Variants in TMEM163 observed in about 807,000 individuals in gnomAD.
The protein encoded by TMEM163 is transmembrane protein 163.
In TMEM163, 17 loss-of-function variants were observed where a neutral mutation model predicts 29.3. That is an observed-to-expected ratio of 0.58 (90% CI 0.40 to 0.87). TMEM163 has a LOEUF of 0.87. Ranked by LOEUF, TMEM163 falls within the 40% of genes least tolerant of loss-of-function variation. The pLI is 0.00. For missense variants in TMEM163, 303 were observed against 381.5 expected (o/e 0.79, Z 1.71); for synonymous variants, 157 against 160.6 (o/e 0.98, Z 0.17).
chr2:134,465,786 T>C (rs893328671), intron 6 of TMEM163, among the ~76,000 whole-genome samples: 7 of 152,190 alleles, frequency 4.6e-5, no homozygotes, highest in African/African-American at 1.7e-4. Context: ...ATTTACTTTT[T>C]ATGGGGAGCA....
intron 1 of TMEM163, among the ~76,000 whole-genome samples, chr2:134,718,112 T>A (rs1685073870): frequency 6.6e-6 from 1 of 152,234 alleles, no homozygotes; most frequent in Non-Finnish European, 1.5e-5. Flanking sequence ...GTCCCATTCC[T>A]CTGCCCCATC....
At chr2:134,600,279 ATTGT>A (rs1682197960) in intron 2 of TMEM163, among the ~76,000 whole-genome samples, 1 of 152,172 alleles carries the variant, frequency 6.6e-6, no homozygotes, top group African/African-American at 2.4e-5. Flanking sequence ...ATGTGACTTA[ATTGT>A]TTAGTAGTGC....
At chr2:134,605,016 C>T (rs991009571) in intron 2 of TMEM163, among the ~76,000 whole-genome samples, 2 of 151,924 alleles carry the variant, frequency 1.3e-5, no homozygotes, top group African/African-American at 4.8e-5. Flanking sequence ...CCTGTCTCTA[C>T]TAAATATACA....
intron 2 of TMEM163, among the ~76,000 whole-genome samples, chr2:134,680,356 A>G (rs892224734): frequency 1.4e-5 from 2 of 143,078 alleles, no homozygotes; most frequent in Admixed American, 6.9e-5. Flanking sequence ...CACAAAAATG[A>G]GACCTATAAA....
intron 2 of TMEM163, among the ~76,000 whole-genome samples, chr2:134,632,552 C>T (rs1682988932): frequency 1.3e-5 from 2 of 152,142 alleles, no homozygotes; most frequent in African/African-American, 4.8e-5. Context: ...GGGGCATCCC[C>T]GATCAAAGTA....
chr2:134,481,265 C>T (rs891885022), intron 5 of TMEM163, among the ~76,000 whole-genome samples: 2 of 152,014 alleles, frequency 1.3e-5, no homozygotes, highest in Admixed American at 6.6e-5. Flanking sequence ...TGCTTCCCAT[C>T]GACACCAGGT....
At position 134,663,499 on chromosome 2, in the gene TMEM163, G is replaced by A. The variant is rs140856973; in HGVS notation, c.322+49701C>T. 4.6e-5 allele frequency among the ~76,000 whole-genome samples: 7 copies of A among 152,346 alleles called. No individual in the cohort carries two copies. In the East Asian group the frequency reaches 1.2e-3, roughly 25 times the overall value. ...TGAGTACTGCACTTGGTTCTGGGAG[G>A]AGTCTTGATAAAGATGTCTAGGAGC... On this transcript the variant is annotated intron_variant, in intron 2 of 7. Transcript: ENST00000281924.
chr2:134,469,672 G>A (rs1350542200), intron 5 of TMEM163: 4 of 152,302 alleles, frequency 2.6e-5, no homozygotes, highest in East Asian at 3.9e-4. Flanking sequence ...GGGGAGAGAG[G>A]GGCCGCACCG....
At chr2:134,706,273 C>T (rs569748745) in intron 2 of TMEM163, among the ~76,000 whole-genome samples, 1 of 152,246 alleles carries the variant, frequency 6.6e-6, no homozygotes, top group South Asian at 2.1e-4. Context: ...GTTGAAGACG[C>T]CCTCCTTGTT....
In TMEM163 at chr2:134,657,441, G is replaced by A. The variant is rs1193239536; in HGVS notation, c.322+55759C>T. 7.2e-5 allele frequency among the ~76,000 whole-genome samples: 11 copies of A among 152,340 alleles called. No homozygotes were observed. The East Asian group carries it at 1.4e-3, about 19-fold the overall frequency. On this transcript the variant is annotated intron_variant, in intron 2 of 7. Coordinates refer to ENST00000281924, the MANE Select transcript of TMEM163 (RefSeq NM_030923.5). ...TTCTAAATAAAGTAACCCAGGAACA[G>A]AAAACCAAACACCACATGTTCTCAC...
chr2:134,690,183 G>A (rs543415877), intron 2 of TMEM163, among the ~76,000 whole-genome samples: 8 of 151,072 alleles, frequency 5.3e-5, no homozygotes, highest in East Asian at 2.0e-4. Flanking sequence ...CACCCGCCCC[G>A]GCCTCCCAAA....
chr2:134,678,446 G>A (rs1157913301), intron 2 of TMEM163, among the ~76,000 whole-genome samples: 5 of 152,208 alleles, frequency 3.3e-5, no homozygotes, highest in Non-Finnish European at 7.3e-5. Context: ...AGAAAAACAG[G>A]AAAAGGCTTT....
At chr2:134,707,418 C>T (rs997199125) in intron 2 of TMEM163, among the ~76,000 whole-genome samples, 4 of 152,154 alleles carry the variant, frequency 2.6e-5, no homozygotes, top group South Asian at 2.1e-4. Context: ...GACTTTAGGA[C>T]GGGACAGAGA....
intron 4 of TMEM163, among the ~76,000 whole-genome samples, chr2:134,541,908 A>G (rs936113115): frequency 1.3e-5 from 2 of 152,132 alleles, no homozygotes; most frequent in South Asian, 4.1e-4. Context: ...GAATTACCTC[A>G]ACTGTTTACA....
In TMEM163 at chr2:134,633,966, CATATATATATATATAT is replaced by C. The variant is rs535811215; in HGVS notation, c.322+79218_322+79233del. The stretch of plus-strand genomic sequence containing the variant: ...GTGAAACTGTCTCAAAAAAAAAATA[CATATATATATATATAT>C]ATATATATATATATATATATATATA... On this transcript the variant is annotated intron_variant, in intron 2 of 7. Coordinates refer to ENST00000281924, the MANE Select transcript of TMEM163 (RefSeq NM_030923.5). 5.6e-3 allele frequency among the ~76,000 whole-genome samples: 212 copies of C among 37,878 alleles called. 3 individuals are homozygous for C. The highest frequency in any genetic ancestry group is 0.03 in the East Asian group (19 of 632). The allele number at this position is 37,878 out of a possible 152,430, so 24.8% of individuals were successfully genotyped here.
chr2:134,709,307 T>C (rs79366036), intron 2 of TMEM163, among the ~76,000 whole-genome samples: 4,057 of 152,334 alleles, frequency 0.027, 90 homozygotes, highest in Non-Finnish European at 0.041. Context: ...CATCTGGTTT[T>C]ATATCAGCAT....
intron 2 of TMEM163, among the ~76,000 whole-genome samples, chr2:134,621,883 T>G (rs1682744891): frequency 6.6e-6 from 1 of 151,642 alleles, no homozygotes; most frequent in African/African-American, 2.4e-5. Context: ...AGAGTGAGAC[T>G]CCATCTCAAA....
intron 2 of TMEM163, among the ~76,000 whole-genome samples, chr2:134,674,436 C>T (rs141228986): frequency 1.7e-3 from 257 of 149,478 alleles, no homozygotes; most frequent in East Asian, 0.013. Flanking sequence ...TCCCGCCTCC[C>T]GGGTTCAAGA....
intron 5 of TMEM163, among the ~76,000 whole-genome samples, chr2:134,493,060 G>A (rs956497296): frequency 6.6e-6 from 1 of 152,072 alleles, no homozygotes; most frequent in Non-Finnish European, 1.5e-5. Flanking sequence ...GATATGTAGT[G>A]GTTTAATTTG....
Sources: allele counts gnomAD v4.1 joint callset (sites outside exome capture counted in the v4.1 genomes callset), GRCh38; gene constraint gnomAD v4.1.1; transcripts MANE v1.5; gene names NCBI Gene and HGNC (gene_info 2026-07-23, HGNC 2026-07-21).